Variants in CNTN5 observed in about 807,000 individuals in gnomAD.
CNTN5 encodes contactin 5, also known as contactin-5.
In CNTN5, 77 loss-of-function variants were observed where a neutral mutation model predicts 129.1. The observed-to-expected ratio is 0.60, with a 90% confidence interval of 0.50 to 0.72. The LOEUF is 0.72. Ranked by LOEUF, CNTN5 falls within the 30% of genes least tolerant of loss-of-function variation. The pLI, the probability that CNTN5 is intolerant of heterozygous loss-of-function variation, is 0.00. For synonymous variants in CNTN5, 509 were observed against 465.6 expected, an observed-to-expected ratio of 1.09 and a Z score of -1.20; for missense variants, 1,478 against 1,328.8, an observed-to-expected ratio of 1.11 and a Z score of -1.75.
intron 3 of CNTN5, among the ~76,000 whole-genome samples, chr11:99,769,738 C>T (rs2135326947): frequency 6.6e-6 from 1 of 150,676 alleles, no homozygotes; most frequent in South Asian, 2.1e-4. Context: ...TGCTTTAACC[C>T]AGGAGGCAGA....
chr11:99,324,672 A>G (rs989187099), intron 1 of CNTN5, among the ~76,000 whole-genome samples: 1 of 152,154 alleles, frequency 6.6e-6, no homozygotes, highest in Non-Finnish European at 1.5e-5. Context: ...AGGTGGCCCC[A>G]TTCATGCCTA....
At chr11:99,143,567 G>A (rs1392077333) in intron 1 of CNTN5, among the ~76,000 whole-genome samples, 8 of 151,504 alleles carry the variant, frequency 5.3e-5, no homozygotes, top group South Asian at 2.1e-4. Context: ...TCCTTTCTCC[G>A]TCCATTCCTT....
intron 24 of CNTN5, among the ~76,000 whole-genome samples, chr11:100,353,380 G>C (rs1952457222): frequency 6.6e-6 from 1 of 151,628 alleles, no homozygotes; most frequent in South Asian, 2.1e-4. Flanking sequence ...GCTGGGGCAA[G>C]AACTTAGTCT....
chr11:99,250,974 C>T (rs1167099621), intron 1 of CNTN5, among the ~76,000 whole-genome samples: 2 of 151,806 alleles, frequency 1.3e-5, no homozygotes, highest in African/African-American at 4.8e-5. Flanking sequence ...CAGGGTAAAA[C>T]AATTAGACTT....
At chr11:100,019,852 T>C (rs566341605) in intron 9 of CNTN5, among the ~76,000 whole-genome samples, 2 of 152,160 alleles carry the variant, frequency 1.3e-5, no homozygotes, top group South Asian at 4.1e-4. Context: ...CAATACTTGT[T>C]ATCTTTTGTC....
At chr11:99,640,661 A>G (rs1008116778) in intron 3 of CNTN5, among the ~76,000 whole-genome samples, 3 of 152,188 alleles carry the variant, frequency 2.0e-5, no homozygotes, top group Non-Finnish European at 4.4e-5. Context: ...TGCCTACAGT[A>G]TTCTACACAG....
chr11:99,045,190 T>C (rs1237390149), intron 1 of CNTN5, among the ~76,000 whole-genome samples: 1 of 152,228 alleles, frequency 6.6e-6, no homozygotes, highest in Non-Finnish European at 1.5e-5. Flanking sequence ...AAAATCATTT[T>C]AATCCCAGAG....
intron 6 of CNTN5, among the ~76,000 whole-genome samples, chr11:99,850,212 A>G (rs866471469): frequency 2.0e-5 from 3 of 151,806 alleles, no homozygotes; most frequent in African/African-American, 7.3e-5. Context: ...TCTTACTAAC[A>G]TATTTTTTCT....
At chr11:99,360,492 C>CA (rs571357657) in intron 2 of CNTN5, among the ~76,000 whole-genome samples, 116 of 152,290 alleles carry the variant, frequency 7.6e-4, no homozygotes, top group Non-Finnish European at 1.3e-3. Flanking sequence ...ATACTCTCTG[C>CA]ACCAGTGGAG....
At chr11:99,706,217 G>T (rs944427690) in intron 3 of CNTN5, among the ~76,000 whole-genome samples, 2 of 151,326 alleles carry the variant, frequency 1.3e-5, no homozygotes, top group Admixed American at 1.3e-4. Context: ...GTGTGCATAG[G>T]TGGAAATGCA....
chr11:99,266,839 A>AT (rs1339333879), intron 1 of CNTN5, among the ~76,000 whole-genome samples: 1 of 152,032 alleles, frequency 6.6e-6, no homozygotes, highest in Non-Finnish European at 1.5e-5. Flanking sequence ...GGGAGAAGCC[A>AT]TTTTCAGCAG....
At chr11:100,053,489 C>T (rs1278837454) in intron 9 of CNTN5, among the ~76,000 whole-genome samples, 1 of 151,688 alleles carries the variant, frequency 6.6e-6, no homozygotes, top group Non-Finnish European at 1.5e-5. Context: ...AGTTGTTAGT[C>T]ATCAGGCAAT....
chr11:99,637,043 T>TAAAAAAAAAAAAAAAAAAAAAAAAAAAAA (rs763109822), intron 3 of CNTN5, among the ~76,000 whole-genome samples: 2 of 95,770 alleles, frequency 2.1e-5, no homozygotes, highest in Admixed American at 1.0e-4. Context: ...AAAAAAAAAG[T>TAAAAAAAAAAAAAAAAAAAAAAAAAAAAA]AAATGACTCT....
At chr11:99,820,394 A>G (rs1481368452) in intron 4 of CNTN5, among the ~76,000 whole-genome samples, 3 of 152,414 alleles carry the variant, frequency 2.0e-5, no homozygotes, top group South Asian at 2.1e-4. Context: ...GCACGCAAAG[A>G]TAAGTATATA....
intron 1 of CNTN5, among the ~76,000 whole-genome samples, chr11:99,280,431 G>A (rs1863642184): frequency 1.3e-5 from 2 of 151,724 alleles, no homozygotes; most frequent in Admixed American, 1.3e-4. Context: ...AAGGTGGAAT[G>A]CCAAAACCAA....
At chr11:100,158,618 CA>C (rs1012958642) in intron 13 of CNTN5, among the ~76,000 whole-genome samples, 1 of 151,664 alleles carries the variant, frequency 6.6e-6, no homozygotes, top group African/African-American at 2.4e-5. Context: ...TAGAGAAATG[CA>C]AATTTTTAAA....
intron 3 of CNTN5, among the ~76,000 whole-genome samples, chr11:99,589,127 T>C (rs1022744063): frequency 7.2e-5 from 11 of 152,204 alleles, no homozygotes; most frequent in South Asian, 2.1e-4. Flanking sequence ...ACACAAACAC[T>C]GTCATAATAC....
chr11:99,821,736 C>G (rs1214563910), intron 4 of CNTN5, among the ~76,000 whole-genome samples: 1 of 151,962 alleles, frequency 6.6e-6, no homozygotes, highest in Non-Finnish European at 1.5e-5. Flanking sequence ...AAAATAAGAC[C>G]CCCCTTCAAA....
chr11:99,845,541 T>C (rs1420675877), intron 6 of CNTN5, among the ~76,000 whole-genome samples: 3 of 151,386 alleles, frequency 2.0e-5, no homozygotes, highest in Non-Finnish European at 2.9e-5. Flanking sequence ...CCCGGCTAAT[T>C]TTTTGTATTT....
Sources: allele counts gnomAD v4.1 joint callset (sites outside exome capture counted in the v4.1 genomes callset), GRCh38; gene constraint gnomAD v4.1.1; transcripts MANE v1.5; gene names NCBI Gene and HGNC (gene_info 2026-07-23, HGNC 2026-07-21).